The following SDCCAG8 variants were observed in gnomAD, a reference collection of about 807,000 sequenced individuals.
SDCCAG8 encodes the protein serologically defined colon cancer antigen 8.
A neutral mutation model predicts 101.8 loss-of-function variants in SDCCAG8; 74 were observed. The observed-to-expected ratio is 0.73, with a 90% CI of 0.60 to 0.88. SDCCAG8 has a LOEUF of 0.88. Among genes scored for constraint, SDCCAG8 ranks in the 40% least tolerant of loss-of-function variants. The probability of loss-of-function intolerance (pLI) is 0.00; values close to 1 mark genes in which losing one functional copy is unlikely to be tolerated. For missense variants in SDCCAG8, 787 were observed against 822.6 expected (o/e 0.96, Z 0.53); for synonymous variants, 281 against 292.9 (o/e 0.96, Z 0.41).
intron 17 of SDCCAG8, among the ~76,000 whole-genome samples, chr1:243,496,552 G>T (rs898267615): frequency 6.6e-6 from 1 of 152,254 alleles, no homozygotes; most frequent in Non-Finnish European, 1.5e-5. Flanking sequence ...ACAGCAGGGG[G>T]GGAAGGGGTT....
At chr1:243,359,438 TA>T (rs993873339) in intron 12 of SDCCAG8, among the ~76,000 whole-genome samples, 18 of 152,308 alleles carry the variant, frequency 1.2e-4, no homozygotes, top group African/African-American at 4.3e-4. Flanking sequence ...ATGATCTTAA[TA>T]AAGTTGTTAT....
intron 9 of SDCCAG8, among the ~76,000 whole-genome samples, chr1:243,327,351 A>T (rs892581007): frequency 1.7e-4 from 25 of 146,366 alleles, no homozygotes; most frequent in Admixed American, 1.2e-3. Context: ...ATAGAAATTA[A>T]AATTATAATT....
chr1:243,282,440 CAA>C (rs756321475), intron 4 of SDCCAG8, among the ~76,000 whole-genome samples: 2 of 152,146 alleles, frequency 1.3e-5, no homozygotes, highest in South Asian at 2.1e-4. Context: ...ATGTTGAACA[CAA>C]AGTGTCATCT....
At chr1:243,324,184 A>T (rs1009319803) in intron 9 of SDCCAG8, among the ~76,000 whole-genome samples, 1 of 152,040 alleles carries the variant, frequency 6.6e-6, no homozygotes, top group Admixed American at 6.6e-5. Context: ...ACTCTACACA[A>T]CCAAACCGTT....
intron 16 of SDCCAG8, among the ~76,000 whole-genome samples, chr1:243,473,882 G>C (rs1414637230): frequency 7.0e-6 from 1 of 142,998 alleles, no homozygotes; most frequent in Non-Finnish European, 1.5e-5. Context: ...TTTAGGAGGG[G>C]TCTTACAAAT....
At chr1:243,290,578 T>G (rs73118325) in intron 5 of SDCCAG8, among the ~76,000 whole-genome samples, 8,009 of 152,188 alleles carry the variant, frequency 0.053, 698 homozygotes, top group African/African-American at 0.18. Flanking sequence ...CTTACTTGAT[T>G]CTTTAGCTTC....
At chr1:243,294,924 G>T (rs1012797971) in intron 6 of SDCCAG8, among the ~76,000 whole-genome samples, 8 of 152,092 alleles carry the variant, frequency 5.3e-5, no homozygotes, top group Admixed American at 1.3e-4. Flanking sequence ...TCCAGGGGAA[G>T]ATAGAATGAA....
rs919054996 is a variant in SDCCAG8 at position 243,295,277 on chromosome 1, G to A, written c.675+2058G>A. On this transcript the variant is annotated intron_variant, in intron 6 of 17. Transcript: ENST00000366541. Reference sequence around the variant, plus strand: ...TTTTGAGACAGAGTCTTGCTCTGTCGCCCAGGCAGGAGTGCAGTGGTGCCA... The same window carrying A: ...TTTTGAGACAGAGTCTTGCTCTGTCACCCAGGCAGGAGTGCAGTGGTGCCA... Among the ~76,000 whole-genome samples, 34 of 151,912 alleles carry A rather than the reference G, an allele frequency of 2.2e-4. 1 individual carries two copies. In the Middle Eastern group the frequency reaches 0.01, roughly 46 times the overall value.
At chr1:243,302,446 G>A (rs1198485743) in intron 6 of SDCCAG8, among the ~76,000 whole-genome samples, 1 of 152,140 alleles carries the variant, frequency 6.6e-6, no homozygotes, top group East Asian at 1.9e-4. Context: ...TCGTGCAAAT[G>A]TACTCAGGTT....
chr1:243,349,172 G>A (rs2075940909), intron 12 of SDCCAG8, among the ~76,000 whole-genome samples: 1 of 152,158 alleles, frequency 6.6e-6, no homozygotes, highest in Admixed American at 6.5e-5. Flanking sequence ...ATGGGCAAAT[G>A]GAGATTTTGC....
intron 16 of SDCCAG8, among the ~76,000 whole-genome samples, chr1:243,456,084 C>T (rs1434105009): frequency 6.6e-6 from 1 of 152,086 alleles, no homozygotes; most frequent in Non-Finnish European, 1.5e-5. Flanking sequence ...GTTCAGTCTC[C>T]ATCATCCTAG....
At chr1:243,362,535 C>A in intron 12 of SDCCAG8, among the ~76,000 whole-genome samples, 1 of 152,220 alleles carries the variant, frequency 6.6e-6, no homozygotes, top group Non-Finnish European at 1.5e-5. Context: ...CAATGCCTAC[C>A]TTATAGGATT....
chr1:243,403,487 A>AT (rs891307798), intron 13 of SDCCAG8, among the ~76,000 whole-genome samples: 11 of 152,304 alleles, frequency 7.2e-5, no homozygotes, highest in African/African-American at 2.6e-4. Context: ...ACAGTATTTT[A>AT]TATGTAATAT....
intron 4 of SDCCAG8, among the ~76,000 whole-genome samples, chr1:243,279,566 T>A (rs1354198859): frequency 6.6e-6 from 1 of 152,230 alleles, no homozygotes; most frequent in Non-Finnish European, 1.5e-5. Flanking sequence ...GTCAAAAAAA[T>A]CATAAGTCAA....
intron 12 of SDCCAG8, among the ~76,000 whole-genome samples, chr1:243,378,150 C>G (rs2077710544): frequency 6.6e-6 from 1 of 151,414 alleles, no homozygotes; most frequent in Admixed American, 6.6e-5. Context: ...ATCTCATACA[C>G]TCTCAATGCT....
intron 12 of SDCCAG8, among the ~76,000 whole-genome samples, chr1:243,346,998 A>T (rs2075754194): frequency 6.6e-6 from 1 of 151,830 alleles, no homozygotes; most frequent in African/African-American, 2.4e-5. Flanking sequence ...CTATTCCATC[A>T]CTCATCATTT....
intron 13 of SDCCAG8, among the ~76,000 whole-genome samples, chr1:243,411,344 T>C (rs886465204): frequency 1.3e-5 from 2 of 152,094 alleles, no homozygotes; most frequent in East Asian, 3.9e-4. Context: ...CTCGAACTCC[T>C]GGGCTCAAGT....
At position 243,489,535 on chromosome 1, in the gene SDCCAG8, G is replaced by A. The variant is rs749036238; in HGVS notation, c.2112+395G>A. 1.2e-4 allele frequency among the ~76,000 whole-genome samples: 19 copies of A among 152,318 alleles called. 1 individual carries two copies. Among genetic ancestry groups the A allele is most frequent in the South Asian group, 4.1e-4 (2 of 4,828 alleles). On this transcript the variant is annotated intron_variant, in intron 17 of 17. Coordinates refer to ENST00000366541, the MANE Select transcript of SDCCAG8 (RefSeq NM_006642.5). ...TCGTGTATGGTTTGAATTGGTTGAGGAAAGAGGTGTTCCCAATTAGCAAAG... is the reference window on the plus strand; with the variant it reads ...TCGTGTATGGTTTGAATTGGTTGAGAAAAGAGGTGTTCCCAATTAGCAAAG...
chr1:243,457,045 C>T (rs1022128653), intron 16 of SDCCAG8, among the ~76,000 whole-genome samples: 48 of 152,068 alleles, frequency 3.2e-4, no homozygotes, highest in Non-Finnish European at 1.0e-4. Flanking sequence ...GGAAAATGGG[C>T]GGAAGACTCG....
Sources: gnomAD v4.1 joint callset for allele counts (sites outside exome capture counted in the v4.1 genomes callset) on GRCh38, gnomAD v4.1.1 for gene constraint, MANE v1.5 for transcripts, NCBI Gene and HGNC (gene_info 2026-07-23, HGNC 2026-07-21) for gene names.